The following CSMD1 variants were observed in gnomAD, a reference collection of about 807,000 sequenced individuals.
CSMD1 encodes CUB and sushi domain-containing protein 1.
A neutral mutation model predicts 417.5 loss-of-function variants in CSMD1; 213 were observed. The observed-to-expected ratio is 0.51, with a 90% confidence interval of 0.46 to 0.57. CSMD1 has a LOEUF of 0.57. Ranked by LOEUF, CSMD1 falls within the 20% of genes least tolerant of loss-of-function variation. The probability of loss-of-function intolerance (pLI) is 0.00; values close to 1 mark genes in which losing one functional copy is unlikely to be tolerated. For synonymous variants in CSMD1, 2,862 were observed against 1,736.8 expected (o/e 1.65, Z -16.11); for missense variants, 6,923 against 4,529.7 (o/e 1.53, Z -15.17).
intron 3 of CSMD1, among the ~76,000 whole-genome samples, chr8:4,115,337 G>C (rs969403196): frequency 3.3e-5 from 5 of 152,150 alleles, no homozygotes; most frequent in Non-Finnish European, 4.4e-5. Flanking sequence ...ACACATTTTA[G>C]ACATAATACT....
At chr8:4,608,795 T>A (rs553407910) in intron 2 of CSMD1, among the ~76,000 whole-genome samples, 1 of 152,290 alleles carries the variant, frequency 6.6e-6, no homozygotes, top group East Asian at 1.9e-4. Context: ...GCTGAATGTG[T>A]GATACACATG....
intron 12 of CSMD1, among the ~76,000 whole-genome samples, chr8:3,456,278 C>G (rs1177900244): frequency 6.9e-6 from 1 of 144,274 alleles, no homozygotes; most frequent in Non-Finnish European, 1.5e-5. Flanking sequence ...CGATGCCTTG[C>G]CCTGCTTCAG....
intron 1 of CSMD1, among the ~76,000 whole-genome samples, chr8:4,681,479 G>A (rs753544991): frequency 6.6e-6 from 1 of 152,126 alleles, no homozygotes; most frequent in Non-Finnish European, 1.5e-5. Context: ...CACAAATGGT[G>A]AGCACAAATG....
At chr8:4,295,481 A>C (rs1242679520) in intron 3 of CSMD1, among the ~76,000 whole-genome samples, 1 of 142,568 alleles carries the variant, frequency 7.0e-6, no homozygotes, top group African/African-American at 2.5e-5. Context: ...TACACATATA[A>C]TCTTAAGATT....
intron 25 of CSMD1, among the ~76,000 whole-genome samples, chr8:3,286,218 G>C (rs1803144809): frequency 2.0e-5 from 3 of 152,126 alleles, no homozygotes; most frequent in Admixed American, 1.3e-4. Flanking sequence ...TCTTAATCCA[G>C]TCTATCATTG....
chr8:3,075,275 TC>T lies in CSMD1; in HGVS notation c.7474+11821del, dbSNP rs1563310581. Among the ~76,000 whole-genome samples the T allele has an allele frequency of 9.9e-5, 14 of 142,110 alleles. 1 individual carries two copies. Among genetic ancestry groups the T allele is most frequent in the Non-Finnish European group, 1.1e-4 (7 of 65,030 alleles). 93.2% of individuals were successfully genotyped at this position (142,110 alleles called of 152,430 possible). A position where few individuals can be genotyped will look rare whatever the true frequency, so the allele number is the denominator to read the frequency against. On this transcript the variant is annotated intron_variant, in intron 49 of 69. Transcript: ENST00000635120. ...GTATTTCTTTTTCTTTTCTTTTCTT[TC>T]TTTCTTTTTTTTTTTTTTTAGATGG...
chr8:4,248,137 A>G (rs978769488), intron 3 of CSMD1, among the ~76,000 whole-genome samples: 3 of 152,098 alleles, frequency 2.0e-5, no homozygotes, highest in East Asian at 1.9e-4. Context: ...CAAATGGGCT[A>G]TTTTGTAATT....
intron 3 of CSMD1, among the ~76,000 whole-genome samples, chr8:4,212,869 G>A (rs1358998076): frequency 6.7e-6 from 1 of 150,244 alleles, no homozygotes; most frequent in African/African-American, 2.5e-5. Flanking sequence ...CATCCTACAG[G>A]AAGATGAGGA....
chr8:4,883,743 T>C (rs1293705325), intron 1 of CSMD1, among the ~76,000 whole-genome samples: 3 of 152,126 alleles, frequency 2.0e-5, no homozygotes, highest in Non-Finnish European at 4.4e-5. Context: ...GCATTTGTTA[T>C]TTTTTCACAT....
At chr8:3,373,984 G>C (rs1006668054) in intron 18 of CSMD1, among the ~76,000 whole-genome samples, 2 of 142,034 alleles carry the variant, frequency 1.4e-5, no homozygotes, top group East Asian at 4.1e-4. Context: ...ATGGAGACTT[G>C]CTTCTTTGCC....
intron 50 of CSMD1, among the ~76,000 whole-genome samples, chr8:3,030,090 A>C (rs1810241662): frequency 1.3e-5 from 2 of 152,214 alleles, no homozygotes; most frequent in East Asian, 1.9e-4. Flanking sequence ...CCATCTATTC[A>C]TGTCCTTAGA....
intron 1 of CSMD1, among the ~76,000 whole-genome samples, chr8:4,889,894 T>C (rs146006493): frequency 4.8e-4 from 73 of 152,252 alleles, no homozygotes; most frequent in Middle Eastern, 6.8e-3. Flanking sequence ...GTATAGCAAT[T>C]TGTCCAGTTC....
At chr8:3,607,545 T>G (rs773215886) in intron 8 of CSMD1, among the ~76,000 whole-genome samples, 8 of 152,146 alleles carry the variant, frequency 5.3e-5, no homozygotes, top group Non-Finnish European at 8.8e-5. Flanking sequence ...GCCGCAAACA[T>G]GTGAGGACTG....
intron 1 of CSMD1, among the ~76,000 whole-genome samples, chr8:4,860,650 A>G (rs936197117): frequency 1.3e-5 from 2 of 152,168 alleles, no homozygotes; most frequent in African/African-American, 4.8e-5. Flanking sequence ...CAATGCTAAT[A>G]CAGCCTAACA....
At chr8:4,458,916 T>A (rs1018296463) in intron 2 of CSMD1, among the ~76,000 whole-genome samples, 1 of 152,190 alleles carries the variant, frequency 6.6e-6, no homozygotes, top group Non-Finnish European at 1.5e-5. Context: ...ATTAAAAATA[T>A]TTAAGTTTCT....
chr8:4,303,329 G>A (rs1798078774), intron 3 of CSMD1, among the ~76,000 whole-genome samples: 1 of 151,376 alleles, frequency 6.6e-6, no homozygotes, highest in South Asian at 2.1e-4. Context: ...ATGTATTAAA[G>A]GAAGCAAAAA....
chr8:4,713,882 G>A (rs939335617), intron 1 of CSMD1, among the ~76,000 whole-genome samples: 1 of 152,114 alleles, frequency 6.6e-6, no homozygotes, highest in African/African-American at 2.4e-5. Context: ...AGTGGAGGTG[G>A]AGATAAAATT....
intron 1 of CSMD1, among the ~76,000 whole-genome samples, chr8:4,705,994 T>G (rs1029118103): frequency 1.3e-5 from 2 of 151,778 alleles, no homozygotes; most frequent in African/African-American, 2.4e-5. Context: ...TTATGAACTG[T>G]AATTTTTTTC....
At chr8:4,316,056 T>C (rs1395639889) in intron 3 of CSMD1, among the ~76,000 whole-genome samples, 1 of 152,146 alleles carries the variant, frequency 6.6e-6, no homozygotes, top group African/African-American at 2.4e-5. Flanking sequence ...GAGAAATATA[T>C]GAATCCTTGA....
Sources: gnomAD v4.1 joint callset for allele counts (sites outside exome capture counted in the v4.1 genomes callset) on GRCh38, gnomAD v4.1.1 for gene constraint, MANE v1.5 for transcripts, NCBI Gene and HGNC (gene_info 2026-07-23, HGNC 2026-07-21) for gene names.